OTUD7A: variants seen among roughly 807,000 people sequenced by gnomAD.
OTUD7A encodes the protein OTU domain-containing protein 7A.
A neutral mutation model predicts 65.7 loss-of-function variants in OTUD7A; 12 were observed. The observed-to-expected ratio is 0.18, with a 90% confidence interval of 0.12 to 0.30. OTUD7A has a LOEUF of 0.30. Among genes scored for constraint, OTUD7A ranks in the 10% least tolerant of loss-of-function variants. The probability of loss-of-function intolerance (pLI) is 1.00; values close to 1 mark genes in which losing one functional copy is unlikely to be tolerated. For synonymous variants in OTUD7A, 641 were observed against 586.3 expected, an observed-to-expected ratio of 1.09 and a Z score of -1.35; for missense variants, 1,148 against 1,304.8, an observed-to-expected ratio of 0.88 and a Z score of 1.85.
At chr15:31,856,812 C>T (rs1347934484) in intron 1 of OTUD7A, among the ~76,000 whole-genome samples, 1 of 152,200 alleles carries the variant, frequency 6.6e-6, no homozygotes, top group African/African-American at 2.4e-5. Flanking sequence ...TGACGTCTGC[C>T]CAACGGGTCC....
At chr15:31,860,627 ATATAT>A (rs1567059738) in intron 1 of OTUD7A, among the ~76,000 whole-genome samples, 6 of 107,002 alleles carry the variant, frequency 5.6e-5, no homozygotes, top group African/African-American at 1.3e-4. Flanking sequence ...GTGGAGATAT[ATATAT>A]ATATATATAT....
chr15:31,767,258 T>TA, intron 1 of OTUD7A: 2 of 886,966 alleles, frequency 2.3e-6, no homozygotes, highest in South Asian at 2.9e-5. Flanking sequence ...CTGAAACTGT[T>TA]ATGTAGCCAC....
chr15:31,564,389 T>G (rs1160157226), intron 4 of OTUD7A, among the ~76,000 whole-genome samples: 2 of 134,354 alleles, frequency 1.5e-5, no homozygotes, highest in Non-Finnish European at 3.1e-5. Flanking sequence ...TGAGGAAGGT[T>G]TTTTTTTTTT....
At chr15:31,672,829 T>C (rs1201294375) in intron 1 of OTUD7A, among the ~76,000 whole-genome samples, 1 of 152,240 alleles carries the variant, frequency 6.6e-6, no homozygotes, top group Non-Finnish European at 1.5e-5. Context: ...TATGGAAAGA[T>C]GGAAGAAAAG....
At chr15:31,799,806 C>T (rs1896070958) in intron 1 of OTUD7A, among the ~76,000 whole-genome samples, 1 of 152,102 alleles carries the variant, frequency 6.6e-6, no homozygotes, top group African/African-American at 2.4e-5. Flanking sequence ...CTCTCAATGC[C>T]TGGCTGCTGC....
At chr15:31,690,042 C>A (rs140562324) in intron 1 of OTUD7A, among the ~76,000 whole-genome samples, 1 of 152,164 alleles carries the variant, frequency 6.6e-6, no homozygotes, top group Non-Finnish European at 1.5e-5. Flanking sequence ...ATAACTTATA[C>A]ATAAAATTTA....
intron 1 of OTUD7A, among the ~76,000 whole-genome samples, chr15:31,684,035 T>C (rs1892781268): frequency 6.6e-6 from 1 of 152,224 alleles, no homozygotes; most frequent in Non-Finnish European, 1.5e-5. Flanking sequence ...CCCTGGATGA[T>C]GTAGCCACAG....
chr15:31,667,679 G>T (rs1892358115), intron 1 of OTUD7A, among the ~76,000 whole-genome samples: 1 of 152,126 alleles, frequency 6.6e-6, no homozygotes, highest in Admixed American at 6.5e-5. Context: ...GCTATTTGTT[G>T]CCTGTGTACC....
chr15:31,865,264 G>A (rs557589991), intron 1 of OTUD7A, among the ~76,000 whole-genome samples: 2 of 152,338 alleles, frequency 1.3e-5, no homozygotes, highest in Admixed American at 6.5e-5. Flanking sequence ...ACATGCAAAT[G>A]TGTTGCCCAC....
At position 31,483,060 on chromosome 15, in the gene OTUD7A, G is replaced by A; in HGVS notation, c.*234C>T. 4.8e-6 allele frequency: 1 copy of A among 209,478 alleles called. No homozygotes were observed. Among genetic ancestry groups the A allele is most frequent in the Non-Finnish European group, 8.6e-6 (1 of 116,126 alleles). The allele number at this position is 209,478 out of a possible 1,614,324, so 13.0% of individuals were successfully genotyped here. A position where few individuals can be genotyped will look rare whatever the true frequency, so the allele number is the denominator to read the frequency against. ...GAGTTTCCACAGGTACGAGGCAGAT[G>A]CTAGGCTAGCACACCCACTTCCAAC... is the stretch of plus-strand genomic sequence containing the variant. On this transcript the variant is annotated 3_prime_UTR_variant, in exon 13 of 13. Transcript: ENST00000307050.
At chr15:31,710,662 CCACTTGGCCTACACTGCTGTT>C (rs1273349690) in intron 1 of OTUD7A, among the ~76,000 whole-genome samples, 7 of 152,250 alleles carry the variant, frequency 4.6e-5, no homozygotes, top group Non-Finnish European at 1.0e-4. Context: ...TCTGTTAGGT[CCACTTGGCCTACACTGCTGTT>C]CACACCCACG....
intron 3 of OTUD7A, among the ~76,000 whole-genome samples, chr15:31,595,378 C>T (rs1322143277): frequency 6.6e-6 from 1 of 152,216 alleles, no homozygotes; most frequent in Non-Finnish European, 1.5e-5. Context: ...GTTCCACACA[C>T]GTTGCTGCAA....
At chr15:31,567,900 T>C (rs1888927164) in intron 4 of OTUD7A, among the ~76,000 whole-genome samples, 1 of 152,242 alleles carries the variant, frequency 6.6e-6, no homozygotes. Context: ...TGTAGACATG[T>C]AGAATGCAAG....
chr15:31,656,734 G>T (rs556401101), intron 2 of OTUD7A, among the ~76,000 whole-genome samples: 1 of 152,094 alleles, frequency 6.6e-6, no homozygotes, highest in South Asian at 2.1e-4. Flanking sequence ...CAGGCACATA[G>T]CCTGATTTGA....
chr15:31,609,486 G>T (rs1890333846), intron 3 of OTUD7A, among the ~76,000 whole-genome samples: 1 of 152,100 alleles, frequency 6.6e-6, no homozygotes, highest in Admixed American at 6.6e-5. Flanking sequence ...CTCAGCAGAG[G>T]CAGCCATAAT....
chr15:31,861,168 G>C (rs565085431), intron 1 of OTUD7A, among the ~76,000 whole-genome samples: 1 of 152,232 alleles, frequency 6.6e-6, no homozygotes, highest in African/African-American at 2.4e-5. Context: ...AGGGGTATCA[G>C]AGTAGGCAGC....
At position 31,796,188 on chromosome 15, in the gene OTUD7A, TTATCTATCTATCTATC is replaced by T. The variant is rs57720765; in HGVS notation, c.-100+74303_-100+74318del. Among the ~76,000 whole-genome samples, 1,109 of 146,904 alleles carry T rather than the reference TTATCTATCTATCTATC, an allele frequency of 7.5e-3. 8 individuals carry two copies. Among genetic ancestry groups the T allele is most frequent in the South Asian group, 0.014 (61 of 4,414 alleles). On this transcript the variant is annotated intron_variant, in intron 1 of 12. Transcript: ENST00000307050. ...GTGTATCTATGTATGTATCTATGCA[TTATCTATCTATCTATC>T]TATCTATCTATCTATCTATCTATCT... is the stretch of plus-strand genomic sequence containing the variant.
At chr15:31,611,887 T>C (rs576607425) in intron 3 of OTUD7A, among the ~76,000 whole-genome samples, 1 of 152,286 alleles carries the variant, frequency 6.6e-6, no homozygotes, top group South Asian at 2.1e-4. Context: ...TGAACAAAGA[T>C]GCTAAAATCC....
At chr15:31,497,502 G>A (rs1274277828) in intron 10 of OTUD7A, among the ~76,000 whole-genome samples, 1 of 151,970 alleles carries the variant, frequency 6.6e-6, no homozygotes, top group Non-Finnish European at 1.5e-5. Flanking sequence ...CACCCACCTC[G>A]GCCTCCCAAA....
Sources: gnomAD v4.1 joint callset for allele counts (sites outside exome capture counted in the v4.1 genomes callset) on GRCh38, gnomAD v4.1.1 for gene constraint, MANE v1.5 for transcripts, NCBI Gene and HGNC (gene_info 2026-07-23, HGNC 2026-07-21) for gene names.